NR2C2: variants seen among roughly 807,000 people sequenced by gnomAD.
The protein encoded by NR2C2 is Nuclear hormone receptor TR4.
A neutral mutation model predicts 62.9 loss-of-function variants in NR2C2; 6 were observed. That is an observed-to-expected ratio of 0.10 (90% CI 0.05 to 0.19). The LOEUF (loss-of-function observed/expected upper bound fraction) is 0.19. Ranked by LOEUF, NR2C2 falls within the 10% of genes least tolerant of loss-of-function variation. The pLI, the probability that NR2C2 is intolerant of heterozygous loss-of-function variation, is 1.00. For missense variants in NR2C2, 479 were observed against 762.7 expected, an observed-to-expected ratio of 0.63 and a Z score of 4.38; for synonymous variants, 272 against 273.8, an observed-to-expected ratio of 0.99 and a Z score of 0.07.
chr3:15,039,813 A>C (rs980745342), intron 13 of NR2C2, among the ~76,000 whole-genome samples: 1 of 152,162 alleles, frequency 6.6e-6, no homozygotes, highest in African/African-American at 2.4e-5. Context: ...TTTGGGTGCA[A>C]ATTAGTGGTA....
rs753705012 is a variant in NR2C2, at chr3:15,046,164, A to G, written c.*3156A>G. 1.3e-5 allele frequency: 2 copies of G among 152,238 alleles called. No individual in the cohort carries two copies. Among genetic ancestry groups the G allele is most frequent in the Non-Finnish European group, 2.9e-5 (2 of 68,046 alleles). 9.4% of individuals were successfully genotyped at this position (152,238 alleles called of 1,614,324 possible). A position where few individuals can be genotyped will look rare whatever the true frequency, so the allele number is the denominator to read the frequency against. On this transcript the variant is annotated 3_prime_UTR_variant, in exon 14 of 14. Transcript: ENST00000425241. ...TCCTGAGGAGTTACATTTATTGTCT[A>G]ACCCTTGCCATAAGGCTGTGGTTTG...
chr3:14,967,108 T>C (rs1434847315), intron 1 of NR2C2, among the ~76,000 whole-genome samples: 2 of 152,186 alleles, frequency 1.3e-5, no homozygotes, highest in Non-Finnish European at 2.9e-5. Context: ...TTTGGGACTT[T>C]GTTCATTTCA....
chr3:14,991,730 CT>C (rs1328840939), intron 1 of NR2C2, among the ~76,000 whole-genome samples: 2 of 139,376 alleles, frequency 1.4e-5, no homozygotes, highest in Admixed American at 1.4e-4. Flanking sequence ...ATCTTTTTCT[CT>C]TTTTTAATCC....
intron 2 of NR2C2, among the ~76,000 whole-genome samples, chr3:15,007,452 G>T (rs1389903132): frequency 6.6e-6 from 1 of 152,098 alleles, no homozygotes; most frequent in Non-Finnish European, 1.5e-5. Context: ...TTAAAGTTAA[G>T]TACTTTTGTT....
chr3:15,003,736 A>T (rs1422278231), intron 1 of NR2C2, 140 bp from the exon 2 acceptor site: 1 of 559,414 alleles, frequency 1.8e-6, no homozygotes, highest in Non-Finnish European at 3.2e-6. Context: ...TTGCTTTGTC[A>T]TCATCCTTCT....
At chr3:15,040,659 A>G (rs1206485863) in intron 13 of NR2C2, among the ~76,000 whole-genome samples, 2 of 152,236 alleles carry the variant, frequency 1.3e-5, no homozygotes, top group Non-Finnish European at 2.9e-5. Context: ...CTGGTAGACA[A>G]GAGCCTGCTT....
At chr3:14,995,435 T>C (rs2040806238) in intron 1 of NR2C2, among the ~76,000 whole-genome samples, 1 of 152,106 alleles carries the variant, frequency 6.6e-6, no homozygotes, top group Admixed American at 6.6e-5. Flanking sequence ...AATTGAATCA[T>C]ATAGTCTTTT....
At chr3:15,009,194 C>T (rs1559288883) in intron 2 of NR2C2, among the ~76,000 whole-genome samples, 1 of 152,186 alleles carries the variant, frequency 6.6e-6, no homozygotes, top group Non-Finnish European at 1.5e-5. Flanking sequence ...TGCACTCCAG[C>T]CTGGGCAACA....
At chr3:14,970,936 T>C (rs1365718587) in intron 1 of NR2C2, among the ~76,000 whole-genome samples, 1 of 152,240 alleles carries the variant, frequency 6.6e-6, no homozygotes, top group Non-Finnish European at 1.5e-5. Context: ...TTCAAGTACC[T>C]ATATAACCAT....
At chr3:14,948,122 C>G (rs962998804) in intron 1 of NR2C2, 1 of 152,018 alleles carries the variant, frequency 6.6e-6, no homozygotes, top group African/African-American at 2.4e-5. Context: ...TCCCCCTGAC[C>G]GGCCCGGCCG....
At chr3:14,992,007 A>G (rs963906283) in intron 1 of NR2C2, among the ~76,000 whole-genome samples, 1 of 151,808 alleles carries the variant, frequency 6.6e-6, no homozygotes, top group Non-Finnish European at 1.5e-5. Context: ...CCTGGCCTCA[A>G]GTGATCTTCC....
chr3:15,005,993 C>T (rs907240755), intron 2 of NR2C2, among the ~76,000 whole-genome samples: 1 of 152,028 alleles, frequency 6.6e-6, no homozygotes, highest in African/African-American at 2.4e-5. Context: ...ATTACTTGAG[C>T]CCAGGAGTTC....
At chr3:15,011,348 G>A (rs2041347593) in intron 2 of NR2C2, among the ~76,000 whole-genome samples, 1 of 151,998 alleles carries the variant, frequency 6.6e-6, no homozygotes, top group African/African-American at 2.4e-5. Flanking sequence ...TCAAAAAAAA[G>A]AAAAAGAATT....
At chr3:14,959,628 T>C (rs1004159783) in intron 1 of NR2C2, 5 of 152,108 alleles carry the variant, frequency 3.3e-5, no homozygotes, top group Admixed American at 3.3e-4. Context: ...AAACCAACAG[T>C]GAGATCAAGA....
intron 1 of NR2C2, among the ~76,000 whole-genome samples, chr3:14,997,930 C>G (rs1252302727): frequency 6.6e-6 from 1 of 152,166 alleles, no homozygotes; most frequent in Non-Finnish European, 1.5e-5. Context: ...AAACCCACAT[C>G]TCTTAGCAAT....
intron 2 of NR2C2, among the ~76,000 whole-genome samples, chr3:15,007,318 G>A (rs1448617544): frequency 1.3e-5 from 2 of 149,770 alleles, no homozygotes; most frequent in African/African-American, 4.9e-5. Flanking sequence ...TAGTAGGGAC[G>A]GGGTTTCACC....
chr3:14,980,134 C>CT (rs2040322882), intron 1 of NR2C2, among the ~76,000 whole-genome samples: 1 of 151,958 alleles, frequency 6.6e-6, no homozygotes, highest in African/African-American at 2.4e-5. Flanking sequence ...GTTAAGATTC[C>CT]TACTCTTTTC....
rs575256705 is a variant in NR2C2 at position 14,996,362 on chromosome 3, CAT to C, written c.-39-7513_-39-7512del. ...TGAGAGACACATTAGCACATTGTATCATGTGTAGCAAAGACAGTTATATAGTT... is the reference window on the plus strand; with the variant it reads ...TGAGAGACACATTAGCACATTGTATCGTGTAGCAAAGACAGTTATATAGTT... On this transcript the variant is annotated intron_variant, in intron 1 of 13. Transcript: ENST00000425241. Among the ~76,000 whole-genome samples the C allele has an allele frequency of 4.4e-3, 673 of 152,222 alleles. 1 individual carries two copies. The highest frequency in any genetic ancestry group is 0.015 in the African/African-American group (643 of 41,546).
intron 1 of NR2C2, among the ~76,000 whole-genome samples, chr3:14,996,903 G>A (rs2040849210): frequency 1.3e-5 from 2 of 152,304 alleles, no homozygotes; most frequent in African/African-American, 4.8e-5. Context: ...ACAAGTTTCA[G>A]AGCCCAGGTC....
Sources: gnomAD v4.1 joint callset for allele counts (sites outside exome capture counted in the v4.1 genomes callset) on GRCh38, gnomAD v4.1.1 for gene constraint, MANE v1.5 for transcripts, NCBI Gene and HGNC (gene_info 2026-07-23, HGNC 2026-07-21) for gene names.